The following SIM1 variants were observed in gnomAD, a reference collection of about 807,000 sequenced individuals.
SIM1 encodes the protein single-minded homolog 1.
SIM1 carries 18 observed loss-of-function variants against 78.2 expected under a neutral mutation model. The ratio of observed to expected loss-of-function variants is 0.23; its 90% CI spans 0.16 to 0.34. The LOEUF is 0.34. Ranked by LOEUF, SIM1 falls within the 10% of genes least tolerant of loss-of-function variation. The pLI, the probability that SIM1 is intolerant of heterozygous loss-of-function variation, is 1.00. For synonymous variants in SIM1, 417 were observed against 385.2 expected (o/e 1.08, Z -0.97); for missense variants, 939 against 975.1 (o/e 0.96, Z 0.49).
intron 3 of SIM1, among the ~76,000 whole-genome samples, chr6:100,452,111 G>A (rs992215158): frequency 6.6e-6 from 1 of 152,186 alleles, no homozygotes; most frequent in South Asian, 2.1e-4. Context: ...GGCAGAGAGA[G>A]AGAAGAATCT....
Position 100,394,889 on chromosome 6 carries a change from T to A in SIM1, c.1168-1000A>T, listed in dbSNP as rs73507294. On this transcript the variant is annotated intron_variant, in intron 10 of 11. Transcript: ENST00000369208. ...AACTCTTAAGAAGTCTTATCCTATATAAGAGTTGGGCCTCTTCACTAGGAT... is the reference window on the plus strand; with the variant it reads ...AACTCTTAAGAAGTCTTATCCTATAAAAGAGTTGGGCCTCTTCACTAGGAT... Among the ~76,000 whole-genome samples the A allele has an allele frequency of 3.5e-3, 536 of 152,320 alleles. 2 individuals are homozygous for A. The highest frequency in any genetic ancestry group is 0.012 in the African/African-American group (517 of 41,570).
chr6:100,431,170 T>C (rs1166527203), intron 9 of SIM1, among the ~76,000 whole-genome samples: 4 of 152,226 alleles, frequency 2.6e-5, no homozygotes, highest in African/African-American at 9.6e-5. Flanking sequence ...TGCAATGTTT[T>C]CAAATGCACA....
intron 10 of SIM1, among the ~76,000 whole-genome samples, chr6:100,401,655 A>AC (rs1770919410): frequency 6.6e-6 from 1 of 152,176 alleles, no homozygotes; most frequent in Non-Finnish European, 1.5e-5. Context: ...AGCACTGGTG[A>AC]ACCTAGTGTA....
chr6:100,403,071 C>A (rs1357237055), intron 10 of SIM1, among the ~76,000 whole-genome samples: 1 of 152,236 alleles, frequency 6.6e-6, no homozygotes, highest in East Asian at 1.9e-4. Flanking sequence ...CCTGAAACCT[C>A]TTCTTAGAAA....
At chr6:100,450,770 A>G (rs1772496471) in intron 3 of SIM1, among the ~76,000 whole-genome samples, 1 of 150,166 alleles carries the variant, frequency 6.7e-6, no homozygotes, top group Non-Finnish European at 1.5e-5. Context: ...GTGTTCTATA[A>G]TGGAAGGAGT....
chr6:100,396,401 C>T (rs890855239), intron 10 of SIM1, among the ~76,000 whole-genome samples: 5 of 151,930 alleles, frequency 3.3e-5, no homozygotes, highest in South Asian at 2.1e-4. Context: ...GTGCTATTGG[C>T]GCAACAGAGA....
chr6:100,402,629 G>C (rs1043616615), intron 10 of SIM1, among the ~76,000 whole-genome samples: 4 of 133,768 alleles, frequency 3.0e-5, no homozygotes. Flanking sequence ...CCAGGCTGGA[G>C]TGCAGTGGCA....
intron 2 of SIM1, among the ~76,000 whole-genome samples, chr6:100,461,841 C>CTTTTTTTTTTTTTTTTTTTT: frequency 8.8e-6 from 1 of 113,346 alleles, no homozygotes; most frequent in Non-Finnish European, 1.8e-5. Context: ...TTCTTTCTTT[C>CTTTTTTTTTTTTTTTTTTTT]TTTTTTTTTT....
intron 10 of SIM1, among the ~76,000 whole-genome samples, chr6:100,416,918 G>C (rs1363213271): frequency 6.6e-6 from 1 of 150,466 alleles, no homozygotes; most frequent in Non-Finnish European, 1.5e-5. Flanking sequence ...CCCCTAAATA[G>C]TTTTCCTTGC....
At chr6:100,411,901 A>G (rs1393590692) in intron 10 of SIM1, among the ~76,000 whole-genome samples, 1 of 152,200 alleles carries the variant, frequency 6.6e-6, no homozygotes, top group Non-Finnish European at 1.5e-5. Context: ...GCATAAGCAC[A>G]AGCGTGGGGG....
rs1582322591 is a variant in SIM1 at position 100,453,759 on chromosome 6, T to A, written c.258+3A>T. 6.2e-7 allele frequency: 1 copy of A among 1,608,130 alleles called. No homozygotes were observed. The highest frequency in any genetic ancestry group is 2.3e-5 in the East Asian group (1 of 44,378). On this transcript the variant is annotated splice_donor_region_variant and intron_variant, in intron 3 of 11. Transcript: ENST00000369208. Reference sequence around the variant, plus strand: ...TGTGTTGCCGGAAGACCTGCACCTGTACCTGGAGCAGATGGGAGCCCAGTT... The same window carrying A: ...TGTGTTGCCGGAAGACCTGCACCTGAACCTGGAGCAGATGGGAGCCCAGTT...
At chr6:100,435,793 C>G (rs1358828622) in intron 9 of SIM1, among the ~76,000 whole-genome samples, 1 of 152,028 alleles carries the variant, frequency 6.6e-6, no homozygotes, top group African/African-American at 2.4e-5. Flanking sequence ...ACTCAAACCC[C>G]AAAATTTTGA....
intron 9 of SIM1, among the ~76,000 whole-genome samples, chr6:100,422,995 T>G (rs1771635748): frequency 6.6e-6 from 1 of 152,196 alleles, no homozygotes; most frequent in Non-Finnish European, 1.5e-5. Flanking sequence ...CAATGCAAGC[T>G]TTCTTTTAAA....
intron 9 of SIM1, among the ~76,000 whole-genome samples, chr6:100,442,731 T>A (rs188502555): frequency 2.0e-5 from 3 of 152,180 alleles, no homozygotes; most frequent in Admixed American, 6.5e-5. Flanking sequence ...ATTGGTCAAG[T>A]TTTTTTAAAG....
Position 100,388,810 on chromosome 6 carries a change from A to G in SIM1, c.*1551T>C, listed in dbSNP as rs746804778. 1 of 152,236 alleles carries G rather than the reference A, an allele frequency of 6.6e-6. No homozygotes were observed. Among genetic ancestry groups the G allele is most frequent in the South Asian group, 2.1e-4 (1 of 4,828 alleles). The allele number at this position is 152,236 out of a possible 1,614,324, so 9.4% of individuals were successfully genotyped here. ...TGCTTTAATTACTAGAGAATAGAGC[A>G]TTAAATAAATCTTGCTATTTTTCTT... On this transcript the variant is annotated 3_prime_UTR_variant, in exon 12 of 12. Transcript: ENST00000369208.
At chr6:100,464,519 C>T (rs1772941352) in intron 1 of SIM1, 95 bp downstream of exon 1, 1 of 152,142 alleles carries the variant, frequency 6.6e-6, no homozygotes, top group Non-Finnish European at 1.5e-5. Flanking sequence ...CCCTCGCAGG[C>T]TCCCCCGGGG....
chr6:100,412,612 G>GA (rs1314581091), intron 10 of SIM1, among the ~76,000 whole-genome samples: 5 of 57,812 alleles, frequency 8.6e-5, no homozygotes, highest in East Asian at 1.5e-3. Context: ...AGAAAGAAAG[G>GA]AAAGAAAGAA....
chr6:100,453,469 G>A (rs1358231054), intron 3 of SIM1, among the ~76,000 whole-genome samples: 1 of 152,016 alleles, frequency 6.6e-6, no homozygotes, highest in Non-Finnish European at 1.5e-5. Flanking sequence ...GAGACAAATG[G>A]TGCCCCCTCC....
rs55805997 is a variant in SIM1, at chr6:100,390,310, C to T, written c.*51G>A. On this transcript the variant is annotated 3_prime_UTR_variant, in exon 12 of 12. Coordinates refer to ENST00000369208, the MANE Select transcript of SIM1 (RefSeq NM_005068.3). ...TAAATGCTGGTAATGGGGTATTAAA[C>T]TATAAATATGTTTCAGAGATCCTTA... The T allele has an allele frequency of 2.1e-3, 3,235 of 1,567,458 alleles. 58 individuals are homozygous for T. The African/African-American group carries it at 0.037, about 18-fold the overall frequency.
Sources: allele counts gnomAD v4.1 joint callset (sites outside exome capture counted in the v4.1 genomes callset), GRCh38; gene constraint gnomAD v4.1.1; transcripts MANE v1.5; gene names NCBI Gene and HGNC (gene_info 2026-07-23, HGNC 2026-07-21).